The following WDR72 variants were observed in gnomAD, a reference collection of about 807,000 sequenced individuals.
WDR72 encodes the protein WD repeat-containing protein 72.
A neutral mutation model predicts 124.2 loss-of-function variants in WDR72; 120 were observed. The ratio of observed to expected loss-of-function variants is 0.97; its 90% CI spans 0.83 to 1.12. The LOEUF (loss-of-function observed/expected upper bound fraction) is 1.12, where lower values mean the gene tolerates loss of function less well. Ranked by LOEUF, WDR72 falls within the 50% of genes most tolerant of loss-of-function variation. The pLI, the probability that WDR72 is intolerant of heterozygous loss-of-function variation, is 0.00. For synonymous variants in WDR72, 452 were observed against 441.7 expected, an observed-to-expected ratio of 1.02 and a Z score of -0.29; for missense variants, 1,387 against 1,278.8, an observed-to-expected ratio of 1.08 and a Z score of -1.29.
intron 2 of WDR72, among the ~76,000 whole-genome samples, chr15:53,726,264 G>GTGTGTATATATATATA (rs1555428779): frequency 4.5e-5 from 5 of 110,356 alleles, no homozygotes; most frequent in African/African-American, 2.3e-4. Context: ...ATGTATGTGT[G>GTGTGTATATATATATA]TATATATATA....
chr15:53,687,509 C>A (rs1444856376), intron 13 of WDR72, among the ~76,000 whole-genome samples: 1 of 151,310 alleles, frequency 6.6e-6, no homozygotes, highest in Admixed American at 6.6e-5. Context: ...AAGACTAAAC[C>A]AGGAAGAAGT....
chr15:53,538,967 C>T (rs779041681), intron 18 of WDR72, among the ~76,000 whole-genome samples: 1 of 152,010 alleles, frequency 6.6e-6, no homozygotes, highest in Non-Finnish European at 1.5e-5. Context: ...TAGCAATATT[C>T]TATATTTGAG....
chr15:53,583,588 T>G (rs2012045668), intron 18 of WDR72, among the ~76,000 whole-genome samples: 2 of 152,022 alleles, frequency 1.3e-5, no homozygotes, highest in African/African-American at 4.8e-5. Flanking sequence ...AAAACATTTC[T>G]TTTTCTTCTA....
chr15:53,611,064 T>C (rs1277667314), intron 16 of WDR72, among the ~76,000 whole-genome samples: 3 of 152,134 alleles, frequency 2.0e-5, no homozygotes, highest in Non-Finnish European at 2.9e-5. Context: ...GGGGGAAAGA[T>C]AAAAGAAAGT....
At chr15:53,717,508 C>T (rs2017746815) in intron 3 of WDR72, among the ~76,000 whole-genome samples, 1 of 152,078 alleles carries the variant, frequency 6.6e-6, no homozygotes, top group Non-Finnish European at 1.5e-5. Flanking sequence ...GATTTGCAGG[C>T]TTTTTTGTTT....
chr15:53,713,428 A>ATTTTGTTTTG (rs150191323), intron 6 of WDR72, among the ~76,000 whole-genome samples: 11 of 98,462 alleles, frequency 1.1e-4, no homozygotes, highest in African/African-American at 2.8e-4. Flanking sequence ...ATTTTATTTT[A>ATTTTGTTTTG]TTTTATTTTA....
intron 14 of WDR72, among the ~76,000 whole-genome samples, chr15:53,644,032 T>C (rs950100258): frequency 9.2e-5 from 14 of 152,162 alleles, no homozygotes; most frequent in Non-Finnish European, 1.3e-4. Context: ...GCCAAGCTAA[T>C]ATTGTTATCT....
chr15:53,626,597 G>T (rs907163559), intron 14 of WDR72, among the ~76,000 whole-genome samples: 4 of 152,230 alleles, frequency 2.6e-5, no homozygotes, highest in Admixed American at 2.0e-4. Flanking sequence ...CCCAAAGGGG[G>T]TTGCAGTTGC....
chr15:53,519,233 C>G (rs1031848057), intron 19 of WDR72, among the ~76,000 whole-genome samples: 1 of 152,022 alleles, frequency 6.6e-6, no homozygotes. Context: ...AAAAATTATT[C>G]TGAAGAATGA....
intron 6 of WDR72, among the ~76,000 whole-genome samples, chr15:53,713,594 G>A (rs1294502455): frequency 2.6e-5 from 4 of 151,634 alleles, no homozygotes; most frequent in African/African-American, 9.7e-5. Context: ...AGGATTACAG[G>A]TGCACTCCAC....
chr15:53,687,348 A>T (rs569061446), intron 13 of WDR72, among the ~76,000 whole-genome samples: 9 of 150,676 alleles, frequency 6.0e-5, no homozygotes, highest in East Asian at 3.9e-4. Context: ...GAGAAGAATC[A>T]AATAGACGCA....
At chr15:53,733,811 C>G (rs1226207165) in intron 1 of WDR72, among the ~76,000 whole-genome samples, 1 of 152,000 alleles carries the variant, frequency 6.6e-6, no homozygotes, top group Non-Finnish European at 1.5e-5. Context: ...ACATAAGTAT[C>G]AAAAAATGTT....
rs5812712 is a variant in WDR72 at position 53,757,977 on chromosome 15, T to TTCTCTC, written c.-13+1650_-13+1655dup. ...ACAGGGAGAAACTTAAGAGTTTATT[T>TTCTCTC]TCTCTCTCTCTCTCTCTCTCTCTCT... On this transcript the variant is annotated intron_variant, in intron 1 of 19. Transcript: ENST00000360509. 4.4e-3 allele frequency among the ~76,000 whole-genome samples: 650 copies of TTCTCTC among 148,760 alleles called. 5 individuals carry two copies. The highest frequency in any genetic ancestry group is 0.014 in the South Asian group (65 of 4,644).
chr15:53,596,591 T>C (rs1290956711), intron 18 of WDR72, among the ~76,000 whole-genome samples: 5 of 152,196 alleles, frequency 3.3e-5, no homozygotes, highest in Non-Finnish European at 7.3e-5. Context: ...TCCTGTAATA[T>C]ATATCCTATT....
chr15:53,591,383 T>C (rs947814887), intron 18 of WDR72, among the ~76,000 whole-genome samples: 4 of 152,030 alleles, frequency 2.6e-5, no homozygotes, highest in Admixed American at 6.6e-5. Flanking sequence ...GTTTTGGAGA[T>C]AGGCACTGTA....
chr15:53,640,133 G>A (rs1467594271), intron 14 of WDR72, among the ~76,000 whole-genome samples: 2 of 152,156 alleles, frequency 1.3e-5, no homozygotes, highest in Non-Finnish European at 2.9e-5. Flanking sequence ...TAGCCTTTGG[G>A]TGTGAGTCCT....
chr15:53,681,171 C>T (rs1285177155), intron 13 of WDR72, among the ~76,000 whole-genome samples: 2 of 152,138 alleles, frequency 1.3e-5, no homozygotes, highest in East Asian at 3.9e-4. Context: ...ATCAGAGAAC[C>T]TACTTTCCCA....
intron 18 of WDR72, among the ~76,000 whole-genome samples, chr15:53,596,014 TCTCCAATC>T (rs1235969642): frequency 9.9e-5 from 15 of 152,046 alleles, no homozygotes; most frequent in Admixed American, 6.6e-4. Context: ...TACATAACAC[TCTCCAATC>T]AGTAATCTCA....
chr15:53,750,501 T>C (rs1188502586), intron 1 of WDR72, among the ~76,000 whole-genome samples: 1 of 152,316 alleles, frequency 6.6e-6, no homozygotes, highest in South Asian at 2.1e-4. Flanking sequence ...CTTGCTAACA[T>C]AATATCCATT....
Sources: allele counts gnomAD v4.1 joint callset (sites outside exome capture counted in the v4.1 genomes callset), GRCh38; gene constraint gnomAD v4.1.1; transcripts MANE v1.5; gene names NCBI Gene and HGNC (gene_info 2026-07-23, HGNC 2026-07-21).